The following CBFA2T3 variants were observed in gnomAD, a reference collection of about 807,000 sequenced individuals.
CBFA2T3 encodes CBFA2/RUNX1 partner transcriptional co-repressor 3.
Under a neutral mutation model 58.6 loss-of-function variants are expected in CBFA2T3, and 31 were observed. The ratio of observed to expected loss-of-function variants is 0.53; its 90% CI spans 0.40 to 0.71. The LOEUF (loss-of-function observed/expected upper bound fraction) is 0.71, where lower values mean the gene tolerates loss of function less well. CBFA2T3 is among the 30% of genes least tolerant of loss of function. CBFA2T3 has a pLI of 0.00. For synonymous variants in CBFA2T3, 531 were observed against 421.9 expected (o/e 1.26, Z -3.17); for missense variants, 1,076 against 963.1 (o/e 1.12, Z -1.55).
rs543209358 is a variant in CBFA2T3 at position 88,930,640 on chromosome 16, C to A, written c.152-28984G>T. On this transcript the variant is annotated intron_variant, in intron 1 of 11. Transcript: ENST00000268679. ...GCGGTGTCCAGAACAGGCAAGTTCACAGAGATGCAGGAGCGGGGGCAGACT... is the reference window on the plus strand; with the variant it reads ...GCGGTGTCCAGAACAGGCAAGTTCAAAGAGATGCAGGAGCGGGGGCAGACT... 9.0e-3 allele frequency among the ~76,000 whole-genome samples: 1,329 copies of A among 147,488 alleles called. 23 individuals carry two copies. Among genetic ancestry groups the A allele is most frequent in the African/African-American group, 0.031 (1,204 of 38,720 alleles).
chr16:88,890,523 C>G (rs992475228), intron 5 of CBFA2T3, among the ~76,000 whole-genome samples: 2 of 152,180 alleles, frequency 1.3e-5, no homozygotes, highest in Non-Finnish European at 2.9e-5. Flanking sequence ...AACACGTGCT[C>G]GGCAGAGAAG....
chr16:88,878,200 C>T (rs764634620), intron 11 of CBFA2T3, among the ~76,000 whole-genome samples: 1 of 152,256 alleles, frequency 6.6e-6, no homozygotes, highest in Non-Finnish European at 1.5e-5. Flanking sequence ...TTCCACCTCC[C>T]GAAACTGCAC....
intron 2 of CBFA2T3, among the ~76,000 whole-genome samples, chr16:88,898,796 G>A (rs904374408): frequency 2.6e-5 from 4 of 152,230 alleles, no homozygotes; most frequent in African/African-American, 9.6e-5. Flanking sequence ...GCTGAGGCGG[G>A]AGGATTGCTT....
chr16:88,967,939 G>A lies in CBFA2T3; in HGVS notation c.151+8718C>T, dbSNP rs947895325. Among the ~76,000 whole-genome samples, 8 of 152,342 alleles carry A rather than the reference G, an allele frequency of 5.3e-5. No homozygotes were observed. The East Asian group carries it at 7.7e-4, about 15-fold the overall frequency. The stretch of plus-strand genomic sequence containing the variant: ...AAGTAGAAGGGAAAGAGGAGAGGTC[G>A]CTCTGTGGCCTCCAGAATGTCACCA... On this transcript the variant is annotated intron_variant, in intron 1 of 11. Transcript: ENST00000268679.
intron 5 of CBFA2T3, chr16:88,887,208 C>G (rs1316465060): frequency 6.6e-6 from 1 of 152,330 alleles, no homozygotes; most frequent in Admixed American, 6.5e-5. Context: ...GTGCATCCAC[C>G]AGGCCCTCGA....
intron 1 of CBFA2T3, among the ~76,000 whole-genome samples, chr16:88,971,212 C>G (rs1203559694): frequency 6.6e-6 from 1 of 152,128 alleles, no homozygotes; most frequent in Admixed American, 6.5e-5. Flanking sequence ...TGGGTTCACA[C>G]GATTCTCCCG....
At position 88,877,098 on chromosome 16, in the gene CBFA2T3, C is replaced by T. The variant is rs747896629; in HGVS notation, c.1840G>A (p.Ala614Thr). 1.7e-5 allele frequency: 26 copies of T among 1,542,304 alleles called. No homozygotes were observed. The East Asian group carries it at 3.4e-4, about 20-fold the overall frequency. The change falls in exon 12 of 12, where the codon GCC becomes ACC. Residue 614 changes from alanine to threonine, a missense_variant. Transcript: ENST00000268679. ...GGCAGGGAGGGGCCCAGGCTGTGGG[C>T]GGCTTCGGGCGGTCCAGGCACCGGG... Reference protein sequence around the residue: ...ADPVPGPPEAAHSLGPSLPVG... With the variant: ...ADPVPGPPEATHSLGPSLPVG...
At chr16:88,969,454 G>C (rs1425776347) in intron 1 of CBFA2T3, among the ~76,000 whole-genome samples, 1 of 152,234 alleles carries the variant, frequency 6.6e-6, no homozygotes, top group African/African-American at 2.4e-5. Context: ...CCTTGGGAAG[G>C]AGTGCCAGGA....
At chr16:88,893,394 C>T (rs909935701) in intron 3 of CBFA2T3, among the ~76,000 whole-genome samples, 2 of 152,108 alleles carry the variant, frequency 1.3e-5, no homozygotes, top group African/African-American at 4.8e-5. Flanking sequence ...TGTCTCCCAG[C>T]CCTGAGCAAT....
chr16:88,882,487 C>T (rs1191056217), intron 8 of CBFA2T3, among the ~76,000 whole-genome samples, 189 bp downstream of exon 8: 4 of 137,982 alleles, frequency 2.9e-5, no homozygotes, highest in Non-Finnish European at 3.1e-5. Context: ...CTGTGTGTGA[C>T]TGCACGGGCG....
At chr16:88,906,617 T>C (rs1442592631) in intron 1 of CBFA2T3, among the ~76,000 whole-genome samples, 2 of 152,184 alleles carry the variant, frequency 1.3e-5, no homozygotes, top group African/African-American at 2.4e-5. Flanking sequence ...CAAGGCAGAA[T>C]AGAGAAGTGG....
intron 3 of CBFA2T3, 46 bp downstream of exon 3, chr16:88,898,032 G>T: frequency 7.2e-7 from 1 of 1,384,124 alleles, no homozygotes; most frequent in Non-Finnish European, 1.0e-6. Flanking sequence ...AGGATGCTGC[G>T]GTGAAGACCT....
intron 10 of CBFA2T3, 102 bp downstream of exon 10, chr16:88,880,618 C>G (rs903658692): frequency 2.0e-5 from 20 of 976,724 alleles, no homozygotes; most frequent in African/African-American, 3.3e-5. Context: ...CCTGAGCCCC[C>G]AGAGAGAGAC....
At chr16:88,946,308 A>T (rs1030901930) in intron 1 of CBFA2T3, among the ~76,000 whole-genome samples, 1 of 151,826 alleles carries the variant, frequency 6.6e-6, no homozygotes, top group African/African-American at 2.4e-5. Flanking sequence ...GCAACACTCC[A>T]TCTCAAAAAG....
intron 1 of CBFA2T3, among the ~76,000 whole-genome samples, chr16:88,942,179 C>T (rs1191496573): frequency 6.6e-5 from 10 of 152,334 alleles, no homozygotes; most frequent in African/African-American, 2.2e-4. Context: ...CCGGCAGGCC[C>T]CCTCCCCCGC....
At chr16:88,904,070 C>T (rs1462597837) in intron 1 of CBFA2T3, among the ~76,000 whole-genome samples, 1 of 152,230 alleles carries the variant, frequency 6.6e-6, no homozygotes, top group African/African-American at 2.4e-5. Context: ...GTCACCACAG[C>T]CGTCACCCAA....
intron 2 of CBFA2T3, 99 bp from the exon 3 acceptor site, chr16:88,898,251 T>A: frequency 1.1e-6 from 1 of 900,228 alleles, no homozygotes; most frequent in Non-Finnish European, 1.8e-6. Context: ...CTTCTCAGAG[T>A]GATTTTTGGT....
chr16:88,975,964 GC>G (rs760666936), intron 1 of CBFA2T3, among the ~76,000 whole-genome samples: 6 of 152,362 alleles, frequency 3.9e-5, no homozygotes, highest in Non-Finnish European at 8.8e-5. Context: ...GGCCACGAGG[GC>G]CACTGGGAAT....
chr16:88,885,703 A>C lies in CBFA2T3; in HGVS notation c.893+258T>G, dbSNP rs1383106479. The C allele has an allele frequency of 9.1e-5, 46 of 506,920 alleles. 1 individual carries two copies. The South Asian group carries it at 1.1e-3, about 12-fold the overall frequency. 31.4% of individuals were successfully genotyped at this position (506,920 alleles called of 1,614,324 possible). On this transcript the variant is annotated intron_variant, in intron 6 of 11. Coordinates refer to ENST00000268679, the MANE Select transcript of CBFA2T3 (RefSeq NM_005187.6). This position sits in a 1 kb window ranked among gnomAD's most constrained non-coding sequence, Gnocchi z 5.3. ...GGAGTCCATGCCCGGCACACAGGGG[A>C]GAGCCGTCCTCCCACCAGCCTCCTC...
Sources: allele counts gnomAD v4.1 joint callset (sites outside exome capture counted in the v4.1 genomes callset), GRCh38; gene constraint gnomAD v4.1.1; non-coding constraint Gnocchi (gnomAD v3.1); transcripts MANE v1.5; gene names NCBI Gene and HGNC (gene_info 2026-07-23, HGNC 2026-07-21).